The following ANAPC5 variants were observed in gnomAD, a reference collection of about 807,000 sequenced individuals.
The protein encoded by ANAPC5 is anaphase-promoting complex subunit 5.
ANAPC5 carries 60 observed loss-of-function variants against 91.3 expected under a neutral mutation model. That is an observed-to-expected ratio of 0.66 (90% CI 0.53 to 0.81). The LOEUF (loss-of-function observed/expected upper bound fraction) is 0.81, where lower values mean the gene tolerates loss of function less well. Ranked by LOEUF, ANAPC5 falls within the 40% of genes least tolerant of loss-of-function variation. ANAPC5 has a pLI of 0.00. For missense variants in ANAPC5, 690 were observed against 931.5 expected (o/e 0.74, Z 3.37); for synonymous variants, 340 against 364.1 (o/e 0.93, Z 0.75).
chr12:121,311,372 T>C (rs1466157529), intron 15 of ANAPC5, among the ~76,000 whole-genome samples: 1 of 152,130 alleles, frequency 6.6e-6, no homozygotes, highest in African/African-American at 2.4e-5. Context: ...TCATACAATA[T>C]AGAGTTTAAG....
chr12:121,322,315 C>G (rs1257042464), intron 11 of ANAPC5, among the ~76,000 whole-genome samples: 1 of 151,988 alleles, frequency 6.6e-6, no homozygotes, highest in Non-Finnish European at 1.5e-5. Flanking sequence ...GACACCACCA[C>G]ACCCAGCTAG....
chr12:121,352,718 T>TTGTTGGTGGTGGTGGTGGTGGTGGTGG (rs71079056), upstream of ANAPC5, among the ~76,000 whole-genome samples: 163 of 102,432 alleles, frequency 1.6e-3, 3 homozygotes, highest in Admixed American at 2.5e-3. Context: ...GTTGTTGTTG[T>TTGTTGGTGGTGGTGGTGGTGGTGGTGG]TGGTGGTGGT....
rs139334549 is a variant in ANAPC5, at chr12:121,320,407, G to A, written c.1493C>T (p.Pro498Leu). ...EVLKHLKERF[P>L]PNSQHAQLWM... ...TACCTGGGCGTGCTGACTATTAGGC[G>A]GAAATCGTTCCTTCAAGTGCTTTAA... The change falls in exon 12 of 17, where the codon CCG becomes CTG. Residue 498 changes from proline to leucine, a missense_variant. By Grantham distance (98) the Pro-to-Leu change is moderately conservative. Transcript: ENST00000261819. The A allele has an allele frequency of 2.8e-4, 451 of 1,613,616 alleles. No homozygotes were observed. Among genetic ancestry groups the A allele is most frequent in the Non-Finnish European group, 3.5e-4 (414 of 1,179,630 alleles).
chr12:121,334,935 A>G (rs1471203525), intron 7 of ANAPC5: 1 of 152,190 alleles, frequency 6.6e-6, no homozygotes, highest in Non-Finnish European at 1.5e-5. Context: ...GCAATGTTAC[A>G]TAGTGACACT....
At position 121,308,642 on chromosome 12, in the gene ANAPC5, T is replaced by C. The variant is rs1222916035; in HGVS notation, c.2106A>G (p.Ala702=). The C allele has an allele frequency of 3.7e-6, 6 of 1,613,980 alleles. No homozygotes were observed. The Admixed American group carries it at 8.3e-5, about 22-fold the overall frequency. Residue 702 remains alanine, a synonymous_variant, in exon 17 of 17, where the codon GCA becomes GCG. Coordinates refer to ENST00000261819, the MANE Select transcript of ANAPC5 (RefSeq NM_016237.5). ...ENLNEAKNYF[A]KVDCKERIRD... ...TGATGCGCTCTTTGCAGTCAACCTT[T>C]GCAAAATAGTTCTTGGCTTCATTGA...
At chr12:121,316,528 T>G (rs907441681) in intron 15 of ANAPC5, among the ~76,000 whole-genome samples, 1 of 151,722 alleles carries the variant, frequency 6.6e-6, no homozygotes, top group Non-Finnish European at 1.5e-5. Context: ...GGTCAGGAGA[T>G]CGAGACCACC....
chr12:121,344,663 T>G (rs368276376), intron 4 of ANAPC5, among the ~76,000 whole-genome samples: 1 of 151,708 alleles, frequency 6.6e-6, no homozygotes, highest in Non-Finnish European at 1.5e-5. Context: ...CTGAGGAAAG[T>G]TGAGCTGTGA....
At position 121,344,246 on chromosome 12, in the gene ANAPC5, G is replaced by T. The variant is rs902128335; in HGVS notation, c.590+1593C>A. Among the ~76,000 whole-genome samples the T allele has an allele frequency of 1.6e-4, 25 of 152,162 alleles. 1 individual carries two copies. Among genetic ancestry groups the T allele is most frequent in the Non-Finnish European group, 1.5e-5 (1 of 68,022 alleles). On this transcript the variant is annotated intron_variant, in intron 4 of 16. Transcript: ENST00000261819. Reference sequence around the variant, plus strand: ...GCAAGCAAGCAAGTAAATTAAGAAGGTTACTTAGTAATGAGAGGTATGGAG... The same window carrying T: ...GCAAGCAAGCAAGTAAATTAAGAAGTTTACTTAGTAATGAGAGGTATGGAG...
chr12:121,350,883 A>C (rs1903862131), intron 1 of ANAPC5, among the ~76,000 whole-genome samples: 3 of 152,186 alleles, frequency 2.0e-5, no homozygotes. Flanking sequence ...ATATAAATGG[A>C]AAAACCACAA....
At chr12:121,310,933 CAAAAAAAAA>C (rs35742192) in intron 15 of ANAPC5, among the ~76,000 whole-genome samples, 1 of 61,160 alleles carries the variant, frequency 1.6e-5, no homozygotes, top group African/African-American at 5.1e-5. Flanking sequence ...GACTCCATCT[CAAAAAAAAA>C]AAAAAAAAAA....
At chr12:121,350,846 A>C (rs1453465011) in intron 1 of ANAPC5, among the ~76,000 whole-genome samples, 1 of 152,160 alleles carries the variant, frequency 6.6e-6, no homozygotes, top group Non-Finnish European at 1.5e-5. Context: ...CTAATGGGAG[A>C]GAAGGCCATC....
chr12:121,342,029 G>T lies in ANAPC5; in HGVS notation c.631C>A (p.Gln211Lys). Residue 211 changes from glutamine to lysine, a missense_variant, in exon 5 of 17, where the codon CAA becomes AAA. This residue lies in a region of ANAPC5 where 238 missense variants were observed against 264.9 expected (regional missense o/e 0.90). Transcript: ENST00000261819. This position sits in a 1 kb window ranked among gnomAD's most constrained non-coding sequence, Gnocchi z 4.1. The stretch of plus-strand genomic sequence containing the variant: ...TGTTGAGAAAGAAAAAATTCTGCTT[G>T]TTTTTGGGACAGAGGCCCACTGCAA... ...VSCSGPLSQK[Q>K]AEFFLSQQAS... The T allele has an allele frequency of 6.2e-7, 1 of 1,610,390 alleles. No individual in the cohort carries two copies. The highest frequency in any genetic ancestry group is 8.5e-7 in the Non-Finnish European group (1 of 1,179,346).
chr12:121,319,528 C>G (rs1593579608), intron 13 of ANAPC5, among the ~76,000 whole-genome samples, 169 bp downstream of exon 13: 1 of 139,194 alleles, frequency 7.2e-6, no homozygotes, highest in African/African-American at 2.5e-5. Flanking sequence ...GTCACCATGC[C>G]CAGTTACAGG....
At chr12:121,327,053 C>A in intron 11 of ANAPC5, 43 bp downstream of exon 11, 1 of 1,552,838 alleles carries the variant, frequency 6.4e-7, no homozygotes, top group Non-Finnish European at 8.7e-7. Context: ...AATGGTAGAG[C>A]CTCCATTGCT....
At chr12:121,340,906 G>A (rs1385845004) in intron 5 of ANAPC5, among the ~76,000 whole-genome samples, 1 of 151,904 alleles carries the variant, frequency 6.6e-6, no homozygotes, top group Non-Finnish European at 1.5e-5. Context: ...TCTGCAGAAA[G>A]CTCATAACAA....
chr12:121,341,923 A>G (rs146141345), intron 5 of ANAPC5, 80 bp downstream of exon 5: 95 of 1,143,054 alleles, frequency 8.3e-5, no homozygotes, highest in African/African-American at 6.2e-4. Flanking sequence ...TAACGGGCCT[A>G]TGCCACAACA....
chr12:121,332,468 T>C (rs532130205), intron 7 of ANAPC5: 1 of 152,306 alleles, frequency 6.6e-6, no homozygotes, highest in African/African-American at 2.4e-5. Flanking sequence ...ACAAGAGCAC[T>C]TCACCTTCAC....
intron 8 of ANAPC5, 22 bp from the exon 9 acceptor site, chr12:121,330,694 A>C: frequency 6.2e-7 from 1 of 1,601,746 alleles, no homozygotes. Context: ...AATCATCAAA[A>C]TATATCATAA....
intron 6 of ANAPC5, 51 bp downstream of exon 6, chr12:121,337,240 T>C: frequency 6.9e-7 from 1 of 1,444,872 alleles, no homozygotes; most frequent in Middle Eastern, 1.8e-4. Context: ...ACAAAAAAAG[T>C]TGCCTTGTCA....
Sources: gnomAD v4.1 joint callset for allele counts (sites outside exome capture counted in the v4.1 genomes callset) on GRCh38, gnomAD v4.1.1 for gene constraint, gnomAD v4.1.1 regional missense constraint, Gnocchi (gnomAD v3.1) non-coding constraint, MANE v1.5 for transcripts, NCBI Gene and HGNC (gene_info 2026-07-23, HGNC 2026-07-21) for gene names.